The following LARGE1 variants were observed in gnomAD, a reference collection of about 807,000 sequenced individuals.
The protein encoded by LARGE1 is LARGE xylosyl- and glucuronyltransferase 1.
LARGE1 carries 43 observed loss-of-function variants against 87.6 expected under a neutral mutation model. The ratio of observed to expected loss-of-function variants is 0.49; its 90% CI spans 0.38 to 0.63. The LOEUF (loss-of-function observed/expected upper bound fraction) is 0.63. Among genes scored for constraint, LARGE1 ranks in the 30% least tolerant of loss-of-function variants. The pLI is 0.00. For synonymous variants in LARGE1, 434 were observed against 394.6 expected (o/e 1.10, Z -1.18); for missense variants, 802 against 1,000.2 (o/e 0.80, Z 2.67).
chr22:33,579,567 A>G (rs1480700750), intron 5 of LARGE1, among the ~76,000 whole-genome samples: 1 of 152,096 alleles, frequency 6.6e-6, no homozygotes, highest in Non-Finnish European at 1.5e-5. Context: ...ACTGATAAAG[A>G]CCTGCTGCAG....
chr22:33,327,102 G>A (rs1027739707), intron 10 of LARGE1, among the ~76,000 whole-genome samples: 2 of 152,178 alleles, frequency 1.3e-5, no homozygotes, highest in African/African-American at 4.8e-5. Flanking sequence ...GGCTTTCTCC[G>A]GGATTCTTCT....
the LARGE1 span, among the ~76,000 whole-genome samples, chr22:33,135,011 A>G: frequency 6.6e-6 from 1 of 152,230 alleles, no homozygotes; most frequent in Non-Finnish European, 1.5e-5. Context: ...AAAGGCAGCA[A>G]AAACTTTAGC....
intron 6 of LARGE1, among the ~76,000 whole-genome samples, chr22:33,526,351 C>T (rs955172944): frequency 4.6e-5 from 7 of 152,270 alleles, no homozygotes; most frequent in Middle Eastern, 3.4e-3. Context: ...GGCCTGTTTT[C>T]GCCACAGATG....
rs2147722284 is a variant in LARGE1, at chr22:33,432,181, AG to A, written c.871del (p.Gly292GlufsTer8). 6.2e-7 allele frequency: 1 copy of A among 1,614,016 alleles called. No individual in the cohort carries two copies. On this transcript the variant is annotated frameshift_variant, in exon 7 of 15. Coordinates refer to ENST00000397394, the MANE Select transcript of LARGE1 (RefSeq NM_133642.5). LOFTEE classifies it high-confidence loss of function. ...TTTACCTGTGTTGTAGCCTCTTCCA[AG>A]GGCTGGCCATGGGCGGTGATTTTTC... ...LWKNHRPWPA[L>X]GRGYNTGVIL...
intron 1 of LARGE1, among the ~76,000 whole-genome samples, chr22:33,864,840 C>T (rs1206223412): frequency 3.3e-5 from 5 of 152,242 alleles, no homozygotes; most frequent in African/African-American, 1.2e-4. Flanking sequence ...CTGGGTTTCA[C>T]AATCACTGCC....
intron 1 of LARGE1, among the ~76,000 whole-genome samples, chr22:33,902,988 T>C (rs748997913): frequency 6.6e-6 from 1 of 152,044 alleles, no homozygotes; most frequent in Non-Finnish European, 1.5e-5. Flanking sequence ...AAAAATTAGC[T>C]GGGCACAGTG....
At chr22:33,900,219 C>G (rs1944455554) in intron 1 of LARGE1, among the ~76,000 whole-genome samples, 1 of 152,190 alleles carries the variant, frequency 6.6e-6, no homozygotes, top group South Asian at 2.1e-4. Flanking sequence ...CAAGTCAGGA[C>G]AAGGAGGAAC....
At chr22:33,846,415 G>C (rs1227670988) in intron 1 of LARGE1, among the ~76,000 whole-genome samples, 2 of 152,184 alleles carry the variant, frequency 1.3e-5, no homozygotes, top group Non-Finnish European at 2.9e-5. Context: ...TGAGGAGGAT[G>C]TATGTCGCCT....
At chr22:33,818,056 T>C (rs1336410596) in intron 1 of LARGE1, among the ~76,000 whole-genome samples, 1 of 152,094 alleles carries the variant, frequency 6.6e-6, no homozygotes, top group African/African-American at 2.4e-5. Flanking sequence ...AATTTAACCT[T>C]GGACAGGTTC....
intron 2 of LARGE1, among the ~76,000 whole-genome samples, chr22:33,760,914 G>A (rs748325751): frequency 1.3e-5 from 2 of 151,900 alleles, no homozygotes; most frequent in African/African-American, 2.4e-5. Flanking sequence ...GCGAGACTCC[G>A]TCTCAAAAAA....
chr22:33,187,011 C>G (rs1923511292), intron 11 of LARGE1, among the ~76,000 whole-genome samples: 1 of 152,152 alleles, frequency 6.6e-6, no homozygotes, highest in Non-Finnish European at 1.5e-5. Flanking sequence ...ATGCATGCTT[C>G]TATGCTCAAT....
At chr22:33,671,399 A>C (rs2081408582) in intron 2 of LARGE1, among the ~76,000 whole-genome samples, 1 of 152,264 alleles carries the variant, frequency 6.6e-6, no homozygotes. Context: ...TACTATACGT[A>C]AAGTGTAAAA....
chr22:33,275,129 AAATAAAAAC>A (rs1463280029), intron 14 of LARGE1, among the ~76,000 whole-genome samples: 1 of 152,218 alleles, frequency 6.6e-6, no homozygotes, highest in South Asian at 2.1e-4. Context: ...AGACCAGATG[AAATAAAAAC>A]AAGTATTTTG....
At chr22:33,739,413 A>G (rs1385283685) in intron 2 of LARGE1, among the ~76,000 whole-genome samples, 3 of 152,242 alleles carry the variant, frequency 2.0e-5, no homozygotes, top group Admixed American at 1.3e-4. Context: ...CAAGGGCTGA[A>G]TAGGATTTCA....
intron 2 of LARGE1, among the ~76,000 whole-genome samples, chr22:33,650,986 A>C (rs1049038628): frequency 2.0e-5 from 3 of 151,980 alleles, no homozygotes; most frequent in Admixed American, 6.6e-5. Flanking sequence ...TTAACAATAA[A>C]GAATTATGAA....
At chr22:33,843,248 G>C (rs989946671) in intron 1 of LARGE1, among the ~76,000 whole-genome samples, 1 of 151,982 alleles carries the variant, frequency 6.6e-6, no homozygotes, top group Non-Finnish European at 1.5e-5. Context: ...GTCCCTTCCA[G>C]ACTGGAAGGC....
chr22:33,676,317 C>A (rs2081574627), intron 2 of LARGE1, among the ~76,000 whole-genome samples: 1 of 119,138 alleles, frequency 8.4e-6, no homozygotes, highest in African/African-American at 3.2e-5. Context: ...ATTTGCACAT[C>A]AGAGAATACG....
In LARGE1 at chr22:33,470,658, C is replaced by T. The variant is rs116463362; in HGVS notation, c.788-38393G>A. ...GCCCCTCATTCCTCTCGTCCATAAG[C>T]TGCCCTCACCTTGTGAGTTCCACTT... On this transcript the variant is annotated intron_variant, in intron 6 of 14. Coordinates refer to ENST00000397394, the MANE Select transcript of LARGE1 (RefSeq NM_133642.5). Among the ~76,000 whole-genome samples, 810 of 152,334 alleles carry T rather than the reference C, an allele frequency of 5.3e-3. 5 individuals are homozygous for T. The highest frequency in any genetic ancestry group is 0.018 in the African/African-American group (731 of 41,578).
intron 6 of LARGE1, among the ~76,000 whole-genome samples, chr22:33,542,028 G>A (rs1309312144): frequency 4.6e-5 from 7 of 151,940 alleles, no homozygotes; most frequent in Admixed American, 3.9e-4. Context: ...TGGGTGTGGT[G>A]GCGGCTGCCT....
Sources: gnomAD v4.1 joint callset for allele counts (sites outside exome capture counted in the v4.1 genomes callset) on GRCh38, gnomAD v4.1.1 for gene constraint, MANE v1.5 for transcripts, NCBI Gene and HGNC (gene_info 2026-07-23, HGNC 2026-07-21) for gene names.